CACNA1C: variants seen among roughly 807,000 people sequenced by gnomAD.
The protein encoded by CACNA1C is calcium voltage-gated channel subunit alpha1 C.
Under a neutral mutation model 229.0 loss-of-function variants are expected in CACNA1C, and 30 were observed. The observed-to-expected ratio is 0.13, with a 90% CI of 0.10 to 0.18. The LOEUF (loss-of-function observed/expected upper bound fraction) is 0.18, where lower values mean the gene tolerates loss of function less well. CACNA1C is among the 10% of genes least tolerant of loss of function. The pLI is 1.00. For synonymous variants in CACNA1C, 1,114 were observed against 1,132.5 expected (o/e 0.98, Z 0.33); for missense variants, 1,658 against 2,845.0 (o/e 0.58, Z 9.49).
At chr12:2,417,736 A>G (rs1475656064) in intron 3 of CACNA1C, among the ~76,000 whole-genome samples, 1 of 152,072 alleles carries the variant, frequency 6.6e-6, no homozygotes, top group Non-Finnish European at 1.5e-5. Context: ...AAGGCCCTTG[A>G]GAAGTGAGTG....
intron 1 of CACNA1C, among the ~76,000 whole-genome samples, chr12:1,972,421 A>C (rs369790933): frequency 1.3e-5 from 2 of 152,242 alleles, no homozygotes; most frequent in East Asian, 1.9e-4. Flanking sequence ...ATGACTCGTT[A>C]CTAGCATATG....
intron 3 of CACNA1C, among the ~76,000 whole-genome samples, chr12:2,383,727 T>C (rs2098312101): frequency 6.6e-6 from 1 of 152,094 alleles, no homozygotes; most frequent in Non-Finnish European, 1.5e-5. Flanking sequence ...CACGTCAAAA[T>C]AGAAGGAACC....
At chr12:2,313,657 C>A (rs2095545970) in intron 3 of CACNA1C, among the ~76,000 whole-genome samples, 1 of 152,128 alleles carries the variant, frequency 6.6e-6, no homozygotes, top group African/African-American at 2.4e-5. Flanking sequence ...AGCAGTGGAG[C>A]CCTTTCCCTC....
At chr12:2,043,542 AT>A (rs1269830476) in intron 1 of CACNA1C, among the ~76,000 whole-genome samples, 3 of 151,576 alleles carry the variant, frequency 2.0e-5, no homozygotes, top group Admixed American at 1.3e-4. Flanking sequence ...TTCTGCTTAC[AT>A]TTCATTCGTC....
chr12:2,582,456 G>A (rs1396099066), intron 14 of CACNA1C, among the ~76,000 whole-genome samples: 2 of 152,190 alleles, frequency 1.3e-5, no homozygotes, highest in Non-Finnish European at 2.9e-5. Flanking sequence ...ACGAATGTTT[G>A]GGGAAAGCTG....
Position 2,054,244 on chromosome 12 carries a change from C to T in CACNA1C, c.49+633C>T, listed in dbSNP as rs116824333. 0.012 allele frequency among the ~76,000 whole-genome samples: 1,790 copies of T among 152,206 alleles called. 32 individuals are homozygous for T. Among genetic ancestry groups the T allele is most frequent in the African/African-American group, 0.041 (1,688 of 41,532 alleles). On this transcript the variant is annotated intron_variant, in intron 1 of 46. Transcript: ENST00000399655. The surrounding 1 kb of genome is among the most constrained non-coding windows in gnomAD (Gnocchi z 5.5). ...CTGTAGGTCCCCTTCTTCCTCTCTC[C>T]CTCCCTCCTCCGCCGCTCACCTACA...
intron 3 of CACNA1C, among the ~76,000 whole-genome samples, chr12:2,380,725 A>G (rs893585436): frequency 6.6e-6 from 1 of 152,258 alleles, no homozygotes; most frequent in Non-Finnish European, 1.5e-5. Context: ...TAAAGACACA[A>G]TAATACTAAT....
At chr12:2,212,233 G>A (rs1184512963) in intron 3 of CACNA1C, among the ~76,000 whole-genome samples, 1 of 152,178 alleles carries the variant, frequency 6.6e-6, no homozygotes, top group Non-Finnish European at 1.5e-5. Context: ...AGCAAAATTA[G>A]CCACTGTTTA....
intron 3 of CACNA1C, among the ~76,000 whole-genome samples, chr12:2,305,260 G>C (rs1261108110): frequency 2.0e-5 from 3 of 152,194 alleles, no homozygotes; most frequent in Admixed American, 1.3e-4. Flanking sequence ...GGCAGATTCT[G>C]AGAGCTCTTA....
At chr12:2,155,626 A>G (rs1350725634) in intron 3 of CACNA1C, among the ~76,000 whole-genome samples, 1 of 152,182 alleles carries the variant, frequency 6.6e-6, no homozygotes, top group Non-Finnish European at 1.5e-5. Context: ...TGTCTCACTT[A>G]AAAGTGCTGT....
At chr12:2,279,484 T>C (rs2090233965) in intron 3 of CACNA1C, among the ~76,000 whole-genome samples, 4 of 152,264 alleles carry the variant, frequency 2.6e-5, no homozygotes, top group African/African-American at 9.6e-5. Flanking sequence ...ATGTATTTAT[T>C]TGAAAGCTCT....
intron 46 of CACNA1C, 173 bp from the exon 47 acceptor site, chr12:2,690,727 C>T: frequency 1.6e-6 from 1 of 630,058 alleles, no homozygotes. Flanking sequence ...GATGCTCCAT[C>T]TCCACTTGTT....
At chr12:1,974,408 G>A (rs539741157) in intron 1 of CACNA1C, among the ~76,000 whole-genome samples, 47 of 152,212 alleles carry the variant, frequency 3.1e-4, no homozygotes, top group African/African-American at 1.1e-3. Context: ...ATGGGATTCT[G>A]TCATTAGGAT....
chr12:2,172,424 G>A (rs2096523101), intron 3 of CACNA1C, among the ~76,000 whole-genome samples: 1 of 152,172 alleles, frequency 6.6e-6, no homozygotes, highest in African/African-American at 2.4e-5. Context: ...GTGCCATATG[G>A]TTGCAATGAA....
intron 3 of CACNA1C, among the ~76,000 whole-genome samples, chr12:2,257,721 G>C (rs1037901513): frequency 6.6e-6 from 1 of 152,202 alleles, no homozygotes; most frequent in African/African-American, 2.4e-5. Flanking sequence ...TTCTCCTCCA[G>C]ATTCTCCCAG....
chr12:2,143,999 G>A (rs1259930919), intron 3 of CACNA1C, among the ~76,000 whole-genome samples: 1 of 151,288 alleles, frequency 6.6e-6, no homozygotes, highest in Non-Finnish European at 1.5e-5. Flanking sequence ...ATAATCACTG[G>A]TATTGGTAAC....
chr12:2,089,688 G>A (rs899347946), intron 1 of CACNA1C, among the ~76,000 whole-genome samples: 5 of 152,204 alleles, frequency 3.3e-5, no homozygotes, highest in Admixed American at 1.3e-4. Context: ...TTACAGTTCA[G>A]TAGTGTTAAA....
chr12:2,009,686 GA>G (rs1487227198), intron 1 of CACNA1C, among the ~76,000 whole-genome samples: 3 of 152,178 alleles, frequency 2.0e-5, no homozygotes. Flanking sequence ...TGATAGAAGT[GA>G]ACAATTAACT....
Position 2,557,692 on chromosome 12 carries a change from T to A in CACNA1C, c.1508+715T>A, listed in dbSNP as rs151146787. ...GCTTTCTCTGCCATTTCACTGGGCC[T>A]GGAAAATACCTTCTGCAAACTCCAG... is the stretch of plus-strand genomic sequence containing the variant. On this transcript the variant is annotated intron_variant, in intron 11 of 46. Transcript: ENST00000399655. 8.4e-4 allele frequency among the ~76,000 whole-genome samples: 128 copies of A among 152,330 alleles called. 1 individual carries two copies. In the East Asian group the frequency reaches 0.023, roughly 27 times the overall value.
Sources: allele counts gnomAD v4.1 joint callset (sites outside exome capture counted in the v4.1 genomes callset), GRCh38; gene constraint gnomAD v4.1.1; non-coding constraint Gnocchi (gnomAD v3.1); transcripts MANE v1.5; gene names NCBI Gene and HGNC (gene_info 2026-07-23, HGNC 2026-07-21).